The following KLF7 variants were observed in gnomAD, a reference collection of about 807,000 sequenced individuals.
KLF7 encodes Krueppel-like factor 7.
In KLF7, 2 loss-of-function variants were observed where a neutral mutation model predicts 27.3. The observed-to-expected ratio is 0.07, with a 90% CI of 0.03 to 0.23. The LOEUF (loss-of-function observed/expected upper bound fraction) is 0.23. Among genes scored for constraint, KLF7 ranks in the 10% least tolerant of loss-of-function variants. KLF7 has a pLI of 1.00. For synonymous variants in KLF7, 165 were observed against 162.4 expected (o/e 1.02, Z -0.12); for missense variants, 221 against 394.1 (o/e 0.56, Z 3.72).
chr2:207,162,367 C>T (rs10932181), intron 1 of KLF7, among the ~76,000 whole-genome samples: 12,367 of 152,230 alleles, frequency 0.081, 723 homozygotes, highest in Middle Eastern at 0.18. Flanking sequence ...AAGAATTGCG[C>T]GTCAGCTGAA....
Position 207,074,367 on chromosome 2 carries a change from C to G in KLF7, c.*6846G>C, listed in dbSNP as rs750258907. On this transcript the variant is annotated 3_prime_UTR_variant, in exon 4 of 4. Transcript: ENST00000309446. ...CTGAGGCGACACCACCAGCTGGGTT[C>G]TCTACCTTCCTCCTTACTGGTGATG... 1 of 152,212 alleles carries G rather than the reference C, an allele frequency of 6.6e-6. No homozygotes were observed. Among genetic ancestry groups the G allele is most frequent in the Non-Finnish European group, 1.5e-5 (1 of 68,092 alleles). The allele number at this position is 152,212 out of a possible 1,614,324, so 9.4% of individuals were successfully genotyped here.
At chr2:207,148,555 A>C (rs1200914250) in intron 1 of KLF7, among the ~76,000 whole-genome samples, 1 of 152,214 alleles carries the variant, frequency 6.6e-6, no homozygotes, top group Non-Finnish European at 1.5e-5. Context: ...GATCCAGCCC[A>C]CAATGGTTTT....
In KLF7 at chr2:207,077,265, C is replaced by A. The variant is rs1266250764; in HGVS notation, c.*3948G>T. ...GTTCCGAATGCACTGGAAGAGCCAT[C>A]CAAAAGCCCCATTTCTTTCCCCTTT... is the stretch of plus-strand genomic sequence containing the variant. On this transcript the variant is annotated 3_prime_UTR_variant, in exon 4 of 4. Coordinates refer to ENST00000309446, the MANE Select transcript of KLF7 (RefSeq NM_003709.4). 6.6e-6 allele frequency: 1 copy of A among 152,164 alleles called. No homozygotes were observed. 9.4% of individuals were successfully genotyped at this position (152,164 alleles called of 1,614,324 possible).
intron 1 of KLF7, among the ~76,000 whole-genome samples, chr2:207,156,420 G>A (rs531065415): frequency 1.2e-4 from 18 of 152,290 alleles, no homozygotes; most frequent in Middle Eastern, 3.4e-3. Context: ...CACTGTGGTT[G>A]GTCAGTAAGA....
chr2:207,140,208 G>C (rs2077902472), intron 1 of KLF7, among the ~76,000 whole-genome samples: 1 of 152,070 alleles, frequency 6.6e-6, no homozygotes, highest in Non-Finnish European at 1.5e-5. Flanking sequence ...GATTTGAATT[G>C]AGAAAACTTA....
At chr2:207,125,638 C>T (rs1008140137) in intron 1 of KLF7, among the ~76,000 whole-genome samples, 2 of 152,192 alleles carry the variant, frequency 1.3e-5, no homozygotes, top group Non-Finnish European at 2.9e-5. Context: ...TTTTTAATCA[C>T]ACTTCTGGTA....
At chr2:207,167,629 T>C (rs2078749366), upstream of KLF7, among the ~76,000 whole-genome samples, 2 of 152,266 alleles carry the variant, frequency 1.3e-5, no homozygotes, top group Admixed American at 1.3e-4. Flanking sequence ...GTTGGCCAGA[T>C]TCATAGCATT....
chr2:207,105,555 A>T (rs1460545908), intron 2 of KLF7, among the ~76,000 whole-genome samples: 2 of 152,192 alleles, frequency 1.3e-5, no homozygotes, highest in Admixed American at 1.3e-4. Flanking sequence ...CAAGAAAGGG[A>T]CACAGAAGCA....
At chr2:207,088,848 G>T (rs1028247810) in intron 2 of KLF7, among the ~76,000 whole-genome samples, 1 of 152,106 alleles carries the variant, frequency 6.6e-6, no homozygotes, top group Non-Finnish European at 1.5e-5. Context: ...AGTTCCCAGA[G>T]TCAGAGCATT....
intron 1 of KLF7, among the ~76,000 whole-genome samples, chr2:207,124,730 T>C (rs1001476474): frequency 6.6e-6 from 1 of 152,150 alleles, no homozygotes; most frequent in Non-Finnish European, 1.5e-5. Flanking sequence ...GATGCTCCAA[T>C]TTCCCCTCTA....
intron 2 of KLF7, among the ~76,000 whole-genome samples, chr2:207,100,461 T>C (rs1435745403): frequency 6.6e-6 from 1 of 152,146 alleles, no homozygotes; most frequent in Non-Finnish European, 1.5e-5. Flanking sequence ...TAATCTAGGA[T>C]AGACGCTCTT....
chr2:207,121,270 T>C (rs1324823345), intron 2 of KLF7, among the ~76,000 whole-genome samples: 1 of 152,256 alleles, frequency 6.6e-6, no homozygotes, highest in Non-Finnish European at 1.5e-5. Context: ...CTTGCTGTTT[T>C]GTGGTAGTTA....
intron 1 of KLF7, chr2:207,148,868 C>A (rs2078167504): frequency 2.6e-5 from 9 of 340,162 alleles, no homozygotes; most frequent in South Asian, 2.4e-4. Context: ...CTGACTTTTC[C>A]TTTGCCAACA....
chr2:207,170,332 A>G (rs1351238788), upstream of KLF7, among the ~76,000 whole-genome samples: 1 of 152,220 alleles, frequency 6.6e-6, no homozygotes, highest in Non-Finnish European at 1.5e-5. Context: ...TTGCAGAAGA[A>G]AAGTTGGAAG....
intron 1 of KLF7, among the ~76,000 whole-genome samples, chr2:207,140,182 T>C (rs188078516): frequency 1.3e-4 from 20 of 152,300 alleles, no homozygotes; most frequent in Admixed American, 2.0e-4. Context: ...CCACTGGGCC[T>C]GGCCTGTTTT....
At chr2:207,147,331 A>G (rs1031768169) in intron 1 of KLF7, among the ~76,000 whole-genome samples, 2 of 152,196 alleles carry the variant, frequency 1.3e-5, no homozygotes, top group African/African-American at 4.8e-5. Context: ...CAATGATCAT[A>G]TATGAAGGTC....
At chr2:207,092,805 G>A (rs896376339) in intron 2 of KLF7, among the ~76,000 whole-genome samples, 5 of 152,102 alleles carry the variant, frequency 3.3e-5, no homozygotes, top group Non-Finnish European at 7.4e-5. Context: ...CCATACAGAT[G>A]TACTAATGTT....
rs2076151962 is a variant in KLF7 at position 207,075,124 on chromosome 2, T to A, written c.*6089A>T. 2 of 152,220 alleles carry A rather than the reference T, an allele frequency of 1.3e-5. No individual in the cohort carries two copies. Among genetic ancestry groups the A allele is most frequent in the Admixed American group, 1.3e-4 (2 of 15,298 alleles). The allele number at this position is 152,220 out of a possible 1,614,324, so 9.4% of individuals were successfully genotyped here. ...AACACATTCTACTGTTTATTACACA[T>A]ATTACATTCTTAAATAAAAATGCGT... On this transcript the variant is annotated 3_prime_UTR_variant, in exon 4 of 4. Coordinates refer to ENST00000309446, the MANE Select transcript of KLF7 (RefSeq NM_003709.4).
Position 207,078,071 on chromosome 2 carries a change from T to A in KLF7, c.*3142A>T, listed in dbSNP as rs1331193105. The A allele has an allele frequency of 6.6e-6, 1 of 152,188 alleles. No homozygotes were observed. Among genetic ancestry groups the A allele is most frequent in the African/African-American group, 2.4e-5 (1 of 41,464 alleles). 9.4% of individuals were successfully genotyped at this position (152,188 alleles called of 1,614,324 possible). A position where few individuals can be genotyped will look rare whatever the true frequency, so the allele number is the denominator to read the frequency against. ...TGGAAAACCTGCTCGCTCTAGCGGC[T>A]CTTAGTAACCATCTCTGCCACTGCA... On this transcript the variant is annotated 3_prime_UTR_variant, in exon 4 of 4. Coordinates refer to ENST00000309446, the MANE Select transcript of KLF7 (RefSeq NM_003709.4).
Sources: allele counts gnomAD v4.1 joint callset (sites outside exome capture counted in the v4.1 genomes callset), GRCh38; gene constraint gnomAD v4.1.1; transcripts MANE v1.5; gene names NCBI Gene and HGNC (gene_info 2026-07-23, HGNC 2026-07-21).